MTCL2: variants seen among roughly 807,000 people sequenced by gnomAD.
The protein encoded by MTCL2 is microtubule crosslinking factor 2.
At chr20:36,823,786 T>A in the MTCL2 span, among the ~76,000 whole-genome samples, 2 of 152,088 alleles carry the variant, frequency 1.3e-5, no homozygotes, top group Non-Finnish European at 2.9e-5. Flanking sequence ...CTAGCCTGAG[T>A]GACACAGCAA....
the MTCL2 span, chr20:36,817,366 C>A: frequency 6.5e-7 from 1 of 1,535,562 alleles, no homozygotes; most frequent in South Asian, 1.2e-5. Flanking sequence ...AGGCTCAGGT[C>A]TTCAGAATAA....
At chr20:36,856,588 T>C in the MTCL2 span, among the ~76,000 whole-genome samples, 1 of 152,222 alleles carries the variant, frequency 6.6e-6, no homozygotes, top group Non-Finnish European at 1.5e-5. Flanking sequence ...ATCAGGGACC[T>C]GGGGGACTTC....
At chr20:36,816,302 GTCC>G in the MTCL2 span, 1 of 1,572,794 alleles carries the variant, frequency 6.4e-7, no homozygotes, top group South Asian at 1.2e-5. Flanking sequence ...GGTCTGCACT[GTCC>G]TCCTGGGACC....
At chr20:36,862,368 C>T in the MTCL2 span, among the ~76,000 whole-genome samples, 5 of 152,228 alleles carry the variant, frequency 3.3e-5, no homozygotes, top group African/African-American at 1.2e-4. Flanking sequence ...CCACCCCCAC[C>T]TCAGCAACGC....
the MTCL2 span, among the ~76,000 whole-genome samples, chr20:36,841,877 GTGTGTGTGTGTGT>G: frequency 3.6e-4 from 26 of 71,774 alleles, no homozygotes; most frequent in African/African-American, 1.1e-3. Context: ...GGGGTGGGGT[GTGTGTGTGTGTGT>G]GTGTGTGTGT....
chr20:36,793,231 C>G, the MTCL2 span: 1 of 1,544,618 alleles, frequency 6.5e-7, no homozygotes, highest in Non-Finnish European at 8.7e-7. This position sits in a 1 kb window ranked among gnomAD's most constrained non-coding sequence, Gnocchi z 6.8. Flanking sequence ...AGAGAAAGGA[C>G]AGATCCCACC....
the MTCL2 span, among the ~76,000 whole-genome samples, chr20:36,852,854 C>T: frequency 7.2e-5 from 11 of 151,906 alleles, no homozygotes; most frequent in South Asian, 2.1e-4. Flanking sequence ...GTCAGGAGTT[C>T]GAGACCAGCC....
the MTCL2 span, among the ~76,000 whole-genome samples, chr20:36,791,284 C>T: frequency 2.6e-5 from 4 of 152,134 alleles, no homozygotes; most frequent in African/African-American, 9.7e-5. Context: ...CCACCCGCCT[C>T]GGCCTCCCAA....
the MTCL2 span, among the ~76,000 whole-genome samples, chr20:36,805,456 T>C: frequency 1.3e-5 from 2 of 152,184 alleles, no homozygotes; most frequent in Non-Finnish European, 2.9e-5. Context: ...CCTCTTCAGA[T>C]GACTCTAGCC....
chr20:36,797,567 T>C, the MTCL2 span: 1 of 1,556,520 alleles, frequency 6.4e-7, no homozygotes, highest in Non-Finnish European at 8.7e-7. Context: ...TCGGCAGCCT[T>C]CTGCAGCTGG....
chr20:36,809,947 G>A, the MTCL2 span: 2 of 1,581,126 alleles, frequency 1.3e-6, no homozygotes, highest in Admixed American at 3.6e-5. Flanking sequence ...GAGGCTGTAG[G>A]AATAGCTGCC....
At chr20:36,820,930 T>A in the MTCL2 span, among the ~76,000 whole-genome samples, 3 of 152,202 alleles carry the variant, frequency 2.0e-5, no homozygotes, top group Admixed American at 1.3e-4. Context: ...AAACTGCTGA[T>A]GCTGGGTCAG....
the MTCL2 span, chr20:36,828,802 C>T: frequency 4.5e-6 from 2 of 446,522 alleles, no homozygotes. Flanking sequence ...TCTCTCATTA[C>T]CCCGTGAGCT....
chr20:36,803,201 G>C, the MTCL2 span: 1 of 1,471,894 alleles, frequency 6.8e-7, no homozygotes, highest in Non-Finnish European at 9.0e-7. Context: ...CGGGGAAAAG[G>C]GGAGAGGTCC....
the MTCL2 span, among the ~76,000 whole-genome samples, chr20:36,832,605 G>A: frequency 1.3e-5 from 2 of 152,118 alleles, no homozygotes; most frequent in African/African-American, 2.4e-5. Flanking sequence ...AGGCTGAGAC[G>A]GGCAGATCAC....
the MTCL2 span, chr20:36,794,813 G>A: frequency 4.8e-6 from 3 of 619,840 alleles, no homozygotes; most frequent in Non-Finnish European, 8.4e-6. This position sits in a 1 kb window ranked among gnomAD's most constrained non-coding sequence, Gnocchi z 5.4. Context: ...ATGTCACCCA[G>A]GCTGGAATGC....
the MTCL2 span, chr20:36,793,906 G>A: frequency 1.0e-3 from 1,606 of 1,550,984 alleles, 12 homozygotes; most frequent in South Asian, 7.5e-3. The surrounding 1 kb of genome is among the most constrained non-coding windows in gnomAD (Gnocchi z 6.8). Flanking sequence ...GGGGTGGGTC[G>A]GTCTGCAGGC....
chr20:36,860,143 T>C, the MTCL2 span, among the ~76,000 whole-genome samples: 1 of 152,098 alleles, frequency 6.6e-6, no homozygotes, highest in African/African-American at 2.4e-5. Flanking sequence ...TCTCCTCTCT[T>C]ACCCACACTC....
chr20:36,801,954 A>G, the MTCL2 span, among the ~76,000 whole-genome samples: 3 of 151,814 alleles, frequency 2.0e-5, no homozygotes, highest in Non-Finnish European at 4.4e-5. Context: ...ACAGAGTAAG[A>G]CTGTCTCAAA....
Sources: allele counts gnomAD v4.1 joint callset (sites outside exome capture counted in the v4.1 genomes callset), GRCh38; gene constraint gnomAD v4.1.1; non-coding constraint Gnocchi (gnomAD v3.1); transcripts MANE v1.5; gene names NCBI Gene and HGNC (gene_info 2026-07-23, HGNC 2026-07-21).